MORN1: variants seen among roughly 807,000 people sequenced by gnomAD.
MORN1 encodes the protein MORN repeat containing 1.
MORN1 carries 67 observed loss-of-function variants against 61.9 expected under a neutral mutation model. The observed-to-expected ratio is 1.08, with a 90% CI of 0.89 to 1.33. The LOEUF (loss-of-function observed/expected upper bound fraction) is 1.33, where lower values mean the gene tolerates loss of function less well. Ranked by LOEUF, MORN1 falls within the 40% of genes most tolerant of loss-of-function variation. The pLI, the probability that MORN1 is intolerant of heterozygous loss-of-function variation, is 0.00. For synonymous variants in MORN1, 301 were observed against 292.0 expected (o/e 1.03, Z -0.31); for missense variants, 752 against 691.2 (o/e 1.09, Z -0.99).
intron 10 of MORN1, among the ~76,000 whole-genome samples, chr1:2,348,686 C>T (rs1276733420): frequency 2.0e-5 from 3 of 149,896 alleles, no homozygotes; most frequent in South Asian, 2.1e-4. Flanking sequence ...TGCGCAGGCA[C>T]GCACACACAC....
At chr1:2,326,276 G>A (rs1464535996) in intron 12 of MORN1, 1 of 152,256 alleles carries the variant, frequency 6.6e-6, no homozygotes, top group African/African-American at 2.4e-5. Flanking sequence ...ACCCACGTAA[G>A]ACACAGGAGT....
intron 8 of MORN1, among the ~76,000 whole-genome samples, chr1:2,366,605 C>T (rs1642000324): frequency 6.6e-6 from 1 of 152,172 alleles, no homozygotes; most frequent in Non-Finnish European, 1.5e-5. Context: ...CTCACTGCAA[C>T]CTCCGCCTCC....
intron 10 of MORN1, among the ~76,000 whole-genome samples, chr1:2,342,862 ATTTTATTTATTTTATTTTATTTTAT>A (rs1457158630): frequency 2.4e-4 from 27 of 110,262 alleles, no homozygotes; most frequent in African/African-American, 1.6e-4. Flanking sequence ...ATTTTATTTT[ATTTTATTTATTTTATTTTATTTTAT>A]TTTATTTTAT....
chr1:2,391,465 G>A lies in MORN1; in HGVS notation c.69C>T (p.Pro23=). The part of the protein sequence containing the change: ...GPRRDPPRRP[P]RNGYGVYVYP... Reference sequence around the variant, plus strand: ...GTGGCCCGCAGTCGTTACCGTTCCGGGGCGGCCGCCTAGGCGGGTCCCGAC... The same window carrying A: ...GTGGCCCGCAGTCGTTACCGTTCCGAGGCGGCCGCCTAGGCGGGTCCCGAC... Residue 23 remains proline, a synonymous_variant, in exon 1 of 14, where the codon CCC becomes CCT. Coordinates refer to ENST00000378531, the MANE Select transcript of MORN1 (RefSeq NM_024848.3). 1.6e-6 allele frequency: 2 copies of A among 1,255,770 alleles called. No homozygotes were observed. The highest frequency in any genetic ancestry group is 2.0e-6 in the Non-Finnish European group (2 of 992,610). 77.8% of individuals were successfully genotyped at this position (1,255,770 alleles called of 1,614,324 possible). A position where few individuals can be genotyped will look rare whatever the true frequency, so the allele number is the denominator to read the frequency against.
intron 13 of MORN1, chr1:2,322,677 C>T (rs1640909247): frequency 2.0e-6 from 2 of 985,354 alleles, no homozygotes; most frequent in African/African-American, 3.5e-5. Flanking sequence ...AGGAAGAGCC[C>T]CACATGGCAA....
chr1:2,322,406 G>A (rs1640902230), intron 13 of MORN1: 1 of 985,380 alleles, frequency 1.0e-6, no homozygotes, highest in East Asian at 1.1e-4. Context: ...CAACATTCCA[G>A]ACGCCGGCCT....
chr1:2,372,085 A>G lies in MORN1; in HGVS notation c.745+396T>C. The G allele has an allele frequency of 4.4e-6, 1 of 226,420 alleles. No homozygotes were observed. Among genetic ancestry groups the G allele is most frequent in the Non-Finnish European group, 9.0e-6 (1 of 111,424 alleles). 14.0% of individuals were successfully genotyped at this position (226,420 alleles called of 1,614,324 possible). A position where few individuals can be genotyped will look rare whatever the true frequency, so the allele number is the denominator to read the frequency against. On this transcript the variant is annotated intron_variant, in intron 8 of 13. Coordinates refer to ENST00000378531, the MANE Select transcript of MORN1 (RefSeq NM_024848.3). The surrounding 1 kb of genome is among the most constrained non-coding windows in gnomAD (Gnocchi z 5.4). ...AAACAACTGCGATGGCCAGCAGCGG[A>G]TGAGTGGGGAAGCAGAAAGTAGCCC...
chr1:2,344,382 C>T (rs576877129), intron 10 of MORN1, among the ~76,000 whole-genome samples: 7 of 152,318 alleles, frequency 4.6e-5, no homozygotes, highest in African/African-American at 9.6e-5. Flanking sequence ...TGGCTCCGAG[C>T]GTCCCCCACA....
intron 6 of MORN1, 109 bp downstream of exon 6, chr1:2,384,869 C>G: frequency 1.1e-6 from 1 of 901,922 alleles, no homozygotes. Flanking sequence ...ATCGCAGGGC[C>G]TGGCACATGG....
chr1:2,351,674 T>G (rs1641650353), intron 10 of MORN1: 1 of 411,242 alleles, frequency 2.4e-6, no homozygotes, highest in Non-Finnish European at 4.8e-6. Context: ...CCCGCTTTTC[T>G]TCACGTGCTG....
chr1:2,391,392 G>A (rs1642659360), intron 1 of MORN1, 66 bp downstream of exon 1: 1 of 1,247,474 alleles, frequency 8.0e-7, no homozygotes, highest in Non-Finnish European at 1.0e-6. Flanking sequence ...CGAGGGCGTA[G>A]AGCGATCGCA....
chr1:2,324,023 C>T (rs1238278663), intron 13 of MORN1, 74 bp downstream of exon 13: 2 of 1,510,104 alleles, frequency 1.3e-6, no homozygotes, highest in East Asian at 5.0e-5. Context: ...AACCCCACCT[C>T]CAGCCCTGGG....
At chr1:2,328,341 C>G (rs1232067513) in intron 12 of MORN1, among the ~76,000 whole-genome samples, 1 of 152,218 alleles carries the variant, frequency 6.6e-6, no homozygotes, top group East Asian at 1.9e-4. Context: ...TGGAGAAGGG[C>G]GCCCACTGGT....
intron 10 of MORN1, among the ~76,000 whole-genome samples, chr1:2,344,575 C>T (rs1235042329): frequency 2.0e-5 from 3 of 152,188 alleles, no homozygotes; most frequent in East Asian, 1.9e-4. Flanking sequence ...CCGTGTGGGC[C>T]GGGCTGTGCA....
intron 6 of MORN1, chr1:2,374,872 T>G: frequency 3.5e-6 from 1 of 285,580 alleles, no homozygotes; most frequent in Non-Finnish European, 6.6e-6. Context: ...AAAAAAAAAA[T>G]CCTTTTAATA....
intron 6 of MORN1, chr1:2,378,953 C>T (rs1349336736): frequency 6.5e-6 from 3 of 463,112 alleles, no homozygotes; most frequent in Admixed American, 2.3e-5. Context: ...CTTTGGGATC[C>T]GCTGTTCTTA....
intron 10 of MORN1, among the ~76,000 whole-genome samples, chr1:2,347,260 C>T (rs1056365231): frequency 2.0e-5 from 3 of 152,204 alleles, no homozygotes; most frequent in South Asian, 2.1e-4. Flanking sequence ...TCAGAGGCTG[C>T]GACTGTGTGC....
chr1:2,327,221 A>G (rs1390887480), intron 12 of MORN1, among the ~76,000 whole-genome samples: 1 of 142,954 alleles, frequency 7.0e-6, no homozygotes, highest in Admixed American at 6.9e-5. Context: ...CACAGAAACA[A>G]ACACAGAGAC....
chr1:2,324,942 C>A (rs564383979), intron 12 of MORN1, among the ~76,000 whole-genome samples: 1 of 149,504 alleles, frequency 6.7e-6, no homozygotes, highest in Non-Finnish European at 1.5e-5. Flanking sequence ...ATGGCCCTGG[C>A]GGGGAGGAGG....
Sources: gnomAD v4.1 joint callset for allele counts (sites outside exome capture counted in the v4.1 genomes callset) on GRCh38, gnomAD v4.1.1 for gene constraint, Gnocchi (gnomAD v3.1) non-coding constraint, MANE v1.5 for transcripts, NCBI Gene and HGNC (gene_info 2026-07-23, HGNC 2026-07-21) for gene names.